UNC13B: variants seen among roughly 807,000 people sequenced by gnomAD.
The protein encoded by UNC13B is unc-13 homolog B.
In UNC13B, 144 loss-of-function variants were observed where a neutral mutation model predicts 211.0. The ratio of observed to expected loss-of-function variants is 0.68; its 90% CI spans 0.60 to 0.78. The LOEUF (loss-of-function observed/expected upper bound fraction) is 0.78. Among genes scored for constraint, UNC13B ranks in the 30% least tolerant of loss-of-function variants. The probability of loss-of-function intolerance (pLI) is 0.00; values close to 1 mark genes in which losing one functional copy is unlikely to be tolerated. For synonymous variants in UNC13B, 709 were observed against 725.8 expected, an observed-to-expected ratio of 0.98 and a Z score of 0.37; for missense variants, 1,777 against 2,002.0, an observed-to-expected ratio of 0.89 and a Z score of 2.14.
chr9:35,327,873 G>A (rs946525140), intron 11 of UNC13B, among the ~76,000 whole-genome samples: 2 of 152,206 alleles, frequency 1.3e-5, no homozygotes, highest in Non-Finnish European at 2.9e-5. Flanking sequence ...TCTAATATAC[G>A]CATCTAGCTC....
At chr9:35,190,839 A>G (rs974864296) in intron 1 of UNC13B, among the ~76,000 whole-genome samples, 17 of 152,206 alleles carry the variant, frequency 1.1e-4, no homozygotes, top group Admixed American at 4.6e-4. Flanking sequence ...TTGTTACTAA[A>G]CTTTAGCCAC....
chr9:35,390,535 A>T, intron 25 of UNC13B, 94 bp from the exon 26 acceptor site: 1 of 1,365,288 alleles, frequency 7.3e-7, no homozygotes, highest in Non-Finnish European at 1.0e-6. Flanking sequence ...TCTCTCCAAT[A>T]TGACTTCCAA....
intron 7 of UNC13B, among the ~76,000 whole-genome samples, chr9:35,273,234 G>T (rs954428975): frequency 1.3e-5 from 2 of 152,174 alleles, no homozygotes; most frequent in African/African-American, 4.8e-5. Context: ...GTAATATACT[G>T]CTTAGTTGCT....
chr9:35,167,068 T>C (rs1161896186), intron 1 of UNC13B, among the ~76,000 whole-genome samples: 2 of 152,062 alleles, frequency 1.3e-5, no homozygotes, highest in Non-Finnish European at 2.9e-5. Context: ...AGTGTTAGTG[T>C]ATTTTTTTTA....
chr9:35,322,766 C>T (rs958914153), intron 11 of UNC13B, among the ~76,000 whole-genome samples: 1 of 152,082 alleles, frequency 6.6e-6, no homozygotes, highest in Admixed American at 6.5e-5. Context: ...TCAGACTTTG[C>T]ACCAGGGAAA....
At chr9:35,366,569 A>C (rs1833784253) in intron 11 of UNC13B, among the ~76,000 whole-genome samples, 2 of 152,320 alleles carry the variant, frequency 1.3e-5, no homozygotes, top group East Asian at 3.9e-4. Context: ...ACTGGACTCT[A>C]TATGAAGGTG....
intron 6 of UNC13B, among the ~76,000 whole-genome samples, chr9:35,254,949 T>TATATA (rs1449336660): frequency 8.4e-6 from 1 of 119,160 alleles, no homozygotes; most frequent in South Asian, 2.2e-4. Flanking sequence ...TTAATATATG[T>TATATA]ATATAATATA....
chr9:35,275,731 T>C (rs1358298131), intron 7 of UNC13B, among the ~76,000 whole-genome samples: 1 of 152,044 alleles, frequency 6.6e-6, no homozygotes, highest in African/African-American at 2.4e-5. Flanking sequence ...TAGCTGGGAT[T>C]ACAGGCGCCT....
In UNC13B at chr9:35,275,661, C is replaced by T. The variant is rs559495614; in HGVS notation, c.526+16611C>T. Among the ~76,000 whole-genome samples the T allele has an allele frequency of 6.6e-5, 10 of 151,466 alleles. No individual in the cohort carries two copies. In the South Asian group the frequency reaches 1.7e-3, roughly 25 times the overall value. On this transcript the variant is annotated intron_variant, in intron 7 of 39. Coordinates refer to ENST00000635942, the MANE Select transcript of UNC13B (RefSeq NM_001371189.2). ...AGGTTGGAGCGTAGTGGTGTGATCT[C>T]GGCTCACTGTGACCTCCGCCTCCTG... is the stretch of plus-strand genomic sequence containing the variant.
At chr9:35,200,649 T>C (rs1823227599) in intron 1 of UNC13B, among the ~76,000 whole-genome samples, 2 of 152,196 alleles carry the variant, frequency 1.3e-5, no homozygotes, top group African/African-American at 4.8e-5. Flanking sequence ...CTGTTATTGG[T>C]GTATAGGAAT....
intron 6 of UNC13B, among the ~76,000 whole-genome samples, chr9:35,253,429 T>C (rs1826632088): frequency 6.6e-6 from 1 of 151,374 alleles, no homozygotes; most frequent in Non-Finnish European, 1.5e-5. Flanking sequence ...TTTTTTCTCT[T>C]CTCTTTTTCT....
rs999675547 is a variant in UNC13B, at chr9:35,364,182, C to G, written c.9415-2765C>G. The stretch of plus-strand genomic sequence containing the variant: ...TCTGTGCTCAGCCAGCTTAGATAGT[C>G]TGTTGGAGTGGTCATTGGTAACAAA... On this transcript the variant is annotated intron_variant, in intron 11 of 39. Coordinates refer to ENST00000635942, the MANE Select transcript of UNC13B (RefSeq NM_001371189.2). Among the ~76,000 whole-genome samples the G allele has an allele frequency of 2.8e-4, 41 of 148,216 alleles. 3 individuals carry two copies. The highest frequency in any genetic ancestry group is 1.1e-3 in the African/African-American group (40 of 37,580).
intron 1 of UNC13B, among the ~76,000 whole-genome samples, chr9:35,188,950 T>A (rs1822507094): frequency 6.6e-6 from 1 of 152,220 alleles, no homozygotes; most frequent in Non-Finnish European, 1.5e-5. Context: ...CAGATTAGCA[T>A]CTTTAGACAA....
At chr9:35,204,965 A>G (rs570908785) in intron 1 of UNC13B, among the ~76,000 whole-genome samples, 2 of 152,324 alleles carry the variant, frequency 1.3e-5, no homozygotes, top group East Asian at 1.9e-4. Flanking sequence ...TCTCATGTTG[A>G]ATTGTAATCC....
intron 7 of UNC13B, among the ~76,000 whole-genome samples, chr9:35,283,362 G>T (rs558437876): frequency 1.3e-5 from 2 of 152,216 alleles, no homozygotes; most frequent in Non-Finnish European, 2.9e-5. Flanking sequence ...TTGGGTTAAA[G>T]AATATATACA....
At chr9:35,268,454 C>T (rs1292933566) in intron 7 of UNC13B, among the ~76,000 whole-genome samples, 1 of 152,126 alleles carries the variant, frequency 6.6e-6, no homozygotes, top group East Asian at 1.9e-4. Flanking sequence ...CCCATCTATA[C>T]TAAAAATACA....
At position 35,399,289 on chromosome 9, in the gene UNC13B, G is replaced by A. The variant is rs1221713814; in HGVS notation, c.12198+5G>A. The stretch of plus-strand genomic sequence containing the variant: ...CCCCCACTCACTGACCAGACGGTAA[G>A]GACACCTCCTTCCACTTCCTCCTGC... On this transcript the variant is annotated splice_donor_5th_base_variant and intron_variant, in intron 34 of 39. Coordinates refer to ENST00000635942, the MANE Select transcript of UNC13B (RefSeq NM_001371189.2). 1.9e-5 allele frequency: 30 copies of A among 1,614,022 alleles called. No homozygotes were observed. The highest frequency in any genetic ancestry group is 2.5e-5 in the Non-Finnish European group (29 of 1,180,028).
chr9:35,203,233 T>C (rs548289113), intron 1 of UNC13B, among the ~76,000 whole-genome samples: 1 of 152,356 alleles, frequency 6.6e-6, no homozygotes, highest in South Asian at 2.1e-4. Context: ...TGTTAGTTGA[T>C]GCAGTTTCTT....
chr9:35,281,207 G>A (rs1587532884), intron 7 of UNC13B, among the ~76,000 whole-genome samples: 2 of 147,022 alleles, frequency 1.4e-5, no homozygotes, highest in Non-Finnish European at 3.0e-5. Context: ...CCGAGATCAC[G>A]CCACTGCACT....
Sources: allele counts gnomAD v4.1 joint callset (sites outside exome capture counted in the v4.1 genomes callset), GRCh38; gene constraint gnomAD v4.1.1; transcripts MANE v1.5; gene names NCBI Gene and HGNC (gene_info 2026-07-23, HGNC 2026-07-21).